Variants in PKNOX1 observed in about 807,000 individuals in gnomAD.
PKNOX1 encodes the protein PBX/knotted 1 homeobox 1.
A neutral mutation model predicts 51.9 loss-of-function variants in PKNOX1; 15 were observed. That is an observed-to-expected ratio of 0.29 (90% confidence interval 0.19 to 0.45). PKNOX1 has a LOEUF of 0.45. Ranked by LOEUF, PKNOX1 falls within the 20% of genes least tolerant of loss-of-function variation. The probability of loss-of-function intolerance (pLI) is 1.00; values close to 1 mark genes in which losing one functional copy is unlikely to be tolerated. For missense variants in PKNOX1, 462 were observed against 547.5 expected, an observed-to-expected ratio of 0.84 and a Z score of 1.56; for synonymous variants, 219 against 211.1, an observed-to-expected ratio of 1.04 and a Z score of -0.32.
intron 1 of PKNOX1, among the ~76,000 whole-genome samples, chr21:42,986,793 G>A (rs2146231635): frequency 6.6e-6 from 1 of 152,304 alleles, no homozygotes; most frequent in Admixed American, 6.5e-5. Flanking sequence ...TCTGACTGTT[G>A]TGTTGTCTTC....
In PKNOX1 at chr21:43,030,024, A is replaced by G. The variant is rs752706521; in HGVS notation, c.1234A>G (p.Thr412Ala). Residue 412 changes from threonine (T) to alanine (A), a missense_variant, in exon 11 of 11, where the codon ACA (threonine) becomes GCA (alanine). This residue lies in a region of PKNOX1 where 118 missense variants were observed against 116.8 expected (regional missense o/e 1.01). Coordinates refer to ENST00000291547, the MANE Select transcript of PKNOX1 (RefSeq NM_004571.5). ...GAGCGAGGACGAGTCTGTGGACAGC[A>G]CAGAGGAGGATGCGGGTGCCCTGGC... ...GQSEDESVDS[T>A]EEDAGALAPA... is the part of the protein sequence containing the mutation. The G allele has an allele frequency of 1.1e-5, 17 of 1,613,874 alleles. No homozygotes were observed. Among genetic ancestry groups the G allele is most frequent in the Non-Finnish European group, 1.3e-5 (15 of 1,179,992 alleles).
intron 1 of PKNOX1, among the ~76,000 whole-genome samples, chr21:42,995,363 A>G (rs1444469048): frequency 4.0e-5 from 6 of 151,478 alleles, no homozygotes; most frequent in Admixed American, 6.6e-5. Context: ...TCATTGCATC[A>G]TTGTTTTCCC....
chr21:43,027,191 ATCAT>A (rs1172425068), intron 9 of PKNOX1, among the ~76,000 whole-genome samples: 1 of 152,238 alleles, frequency 6.6e-6, no homozygotes, highest in African/African-American at 2.4e-5. Flanking sequence ...CAACTACTTT[ATCAT>A]TCATGTTACT....
At chr21:42,980,170 T>C (rs139554244) in intron 1 of PKNOX1, among the ~76,000 whole-genome samples, 171 of 152,160 alleles carry the variant, frequency 1.1e-3, no homozygotes, top group Non-Finnish European at 1.8e-3. Context: ...GTCAGGAGTT[T>C]GAGACCAGCC....
intron 9 of PKNOX1, among the ~76,000 whole-genome samples, chr21:43,025,165 G>A (rs1979936780): frequency 6.6e-6 from 1 of 152,198 alleles, no homozygotes; most frequent in South Asian, 2.1e-4. Context: ...GGGATCATGG[G>A]TGTGAGTCAC....
At chr21:42,978,512 G>A (rs1466563556) in intron 1 of PKNOX1, among the ~76,000 whole-genome samples, 17 of 137,116 alleles carry the variant, frequency 1.2e-4, no homozygotes, top group Non-Finnish European at 7.7e-5. Context: ...TTGAGATGGA[G>A]TCGCTCTGTC....
chr21:43,028,669 G>C, intron 9 of PKNOX1, 33 bp from the exon 10 acceptor site: 1 of 1,607,780 alleles, frequency 6.2e-7, no homozygotes, highest in Non-Finnish European at 8.5e-7. Context: ...TACGAAGGCT[G>C]TTTTCATGGA....
chr21:42,974,824 C>T (rs894739322), intron 1 of PKNOX1, among the ~76,000 whole-genome samples, 160 bp downstream of exon 1: 4 of 148,934 alleles, frequency 2.7e-5, no homozygotes, highest in Admixed American at 1.3e-4. Context: ...ACCCGCCGCC[C>T]GGGGCAGGGG....
At position 42,980,770 on chromosome 21, in the gene PKNOX1, T is replaced by C. The variant is rs140884589; in HGVS notation, c.-57+6106T>C. Among the ~76,000 whole-genome samples the C allele has an allele frequency of 3.5e-3, 534 of 152,264 alleles. 3 individuals carry two copies. Among genetic ancestry groups the C allele is most frequent in the African/African-American group, 0.012 (507 of 41,568 alleles). ...ATTTGGGAGTAGTGACGAGATTTTTTGTGACACTCTAATGCTTTGGAAAAT... is the reference window on the plus strand; with the variant it reads ...ATTTGGGAGTAGTGACGAGATTTTTCGTGACACTCTAATGCTTTGGAAAAT... On this transcript the variant is annotated intron_variant, in intron 1 of 10. Transcript: ENST00000291547.
At chr21:43,029,814 C>A in intron 10 of PKNOX1, 76 bp from the exon 11 acceptor site, 1 of 1,239,088 alleles carries the variant, frequency 8.1e-7, no homozygotes, top group Non-Finnish European at 1.2e-6. Context: ...AACGAGCAAA[C>A]AGCACCCAAT....
Position 42,974,599 on chromosome 21 carries a change from C to T in PKNOX1, c.-122C>T, listed in dbSNP as rs1181850711. On this transcript the variant is annotated 5_prime_UTR_variant, in exon 1 of 11. Coordinates refer to ENST00000291547, the MANE Select transcript of PKNOX1 (RefSeq NM_004571.5). ...CCAGCGTCGGCGTGACGGTTGGACGCGGGCGCGGCACTGCGGGTCCCGATT... is the reference window on the plus strand; with the variant it reads ...CCAGCGTCGGCGTGACGGTTGGACGTGGGCGCGGCACTGCGGGTCCCGATT... The T allele has an allele frequency of 1.3e-5, 2 of 152,648 alleles. No individual in the cohort carries two copies. Among genetic ancestry groups the T allele is most frequent in the Non-Finnish European group, 2.9e-5 (2 of 68,166 alleles). 9.5% of individuals were successfully genotyped at this position (152,648 alleles called of 1,614,324 possible).
chr21:42,997,172 C>T (rs1042374481), intron 1 of PKNOX1, among the ~76,000 whole-genome samples: 12 of 152,214 alleles, frequency 7.9e-5, no homozygotes, highest in African/African-American at 1.7e-4. Context: ...TGAGCCATAA[C>T]GCCTGGCCCC....
Position 43,018,164 on chromosome 21 carries a change from C to T in PKNOX1, c.654C>T (p.Val218=), listed in dbSNP as rs778866929. The change falls in exon 7 of 11, where the codon GTC becomes GTT. Residue 218 remains valine, a synonymous_variant. Coordinates refer to ENST00000291547, the MANE Select transcript of PKNOX1 (RefSeq NM_004571.5). ...GGTVYQPVTV[V]TPQGQVVTQT... ...CAGTGTATCAGCCTGTCACGGTCGTCACTCCCCAAGGCCAAGTGGTCACAC... is the reference window on the plus strand; with the variant it reads ...CAGTGTATCAGCCTGTCACGGTCGTTACTCCCCAAGGCCAAGTGGTCACAC... The T allele has an allele frequency of 1.2e-6, 2 of 1,613,114 alleles. No homozygotes were observed. The highest frequency in any genetic ancestry group is 1.7e-6 in the Non-Finnish European group (2 of 1,179,408).
At chr21:42,982,670 A>G (rs535780431) in intron 1 of PKNOX1, among the ~76,000 whole-genome samples, 1 of 144,410 alleles carries the variant, frequency 6.9e-6, no homozygotes, top group South Asian at 2.3e-4. Context: ...GGTGGAGGTT[A>G]TGGTGAGCTG....
chr21:43,008,593 C>G (rs1282305432), intron 3 of PKNOX1, among the ~76,000 whole-genome samples: 1 of 152,080 alleles, frequency 6.6e-6, no homozygotes, highest in Non-Finnish European at 1.5e-5. Flanking sequence ...GACTGGCCAA[C>G]ATGGCGAAAC....
At chr21:42,989,893 GT>G in intron 1 of PKNOX1, among the ~76,000 whole-genome samples, 1 of 152,146 alleles carries the variant, frequency 6.6e-6, no homozygotes, top group Non-Finnish European at 1.5e-5. Context: ...GAGCTCAGGA[GT>G]TTGAGGCTAG....
In PKNOX1 at chr21:42,997,539, TTTG is replaced by T. The variant is rs145685146; in HGVS notation, c.-56-6785_-56-6783del. Among the ~76,000 whole-genome samples the T allele has an allele frequency of 5.5e-3, 840 of 152,302 alleles. 21 individuals carry two copies. Among genetic ancestry groups the T allele is most frequent in the East Asian group, 0.039 (201 of 5,188 alleles). ...TGTCAGTGATTAGCTTCAGGAAGCATTTGTATTTAGTGCCTATTGACATCAGAG... is the reference window on the plus strand; with the variant it reads ...TGTCAGTGATTAGCTTCAGGAAGCATTATTTAGTGCCTATTGACATCAGAG... On this transcript the variant is annotated intron_variant, in intron 1 of 10. Coordinates refer to ENST00000291547, the MANE Select transcript of PKNOX1 (RefSeq NM_004571.5).
At chr21:42,982,024 C>A (rs903860762) in intron 1 of PKNOX1, among the ~76,000 whole-genome samples, 1 of 152,196 alleles carries the variant, frequency 6.6e-6, no homozygotes, top group Admixed American at 6.5e-5. Context: ...TCCATCTGTA[C>A]GCTCCCCTCA....
chr21:43,012,537 A>G (rs531719087), intron 4 of PKNOX1, among the ~76,000 whole-genome samples: 9 of 152,354 alleles, frequency 5.9e-5, no homozygotes, highest in African/African-American at 2.2e-4. Flanking sequence ...TTCAGCCTCC[A>G]GCTTGGGCAA....
Sources: gnomAD v4.1 joint callset for allele counts (sites outside exome capture counted in the v4.1 genomes callset) on GRCh38, gnomAD v4.1.1 for gene constraint, gnomAD v4.1.1 regional missense constraint, MANE v1.5 for transcripts, NCBI Gene and HGNC (gene_info 2026-07-23, HGNC 2026-07-21) for gene names.